Variants in GABBR2 observed in about 807,000 individuals in gnomAD.
The protein encoded by GABBR2 is G-protein coupled receptor 51.
Under a neutral mutation model 105.6 loss-of-function variants are expected in GABBR2, and 23 were observed. The observed-to-expected ratio is 0.22, with a 90% CI of 0.16 to 0.31. The LOEUF is 0.31. GABBR2 is among the 10% of genes least tolerant of loss of function. GABBR2 has a pLI of 1.00. For missense variants in GABBR2, 734 were observed against 1,245.5 expected, an observed-to-expected ratio of 0.59 and a Z score of 6.18; for synonymous variants, 478 against 499.7, an observed-to-expected ratio of 0.96 and a Z score of 0.58.
chr9:98,584,955 A>G (rs1588239398), intron 1 of GABBR2, among the ~76,000 whole-genome samples: 1 of 152,186 alleles, frequency 6.6e-6, no homozygotes, highest in East Asian at 1.9e-4. Flanking sequence ...TCTTCCTATC[A>G]TTGGCCTGGA....
At chr9:98,390,367 C>T (rs1832157065) in intron 9 of GABBR2, among the ~76,000 whole-genome samples, 1 of 101,684 alleles carries the variant, frequency 9.8e-6, no homozygotes. Flanking sequence ...GAGCAAGACT[C>T]CATCTCACAA....
At chr9:98,431,661 G>T (rs990325956) in intron 7 of GABBR2, among the ~76,000 whole-genome samples, 1 of 151,836 alleles carries the variant, frequency 6.6e-6, no homozygotes, top group Non-Finnish European at 1.5e-5. Flanking sequence ...CAGGCAGTGG[G>T]GAGCCATGGA....
intron 1 of GABBR2, among the ~76,000 whole-genome samples, chr9:98,656,949 G>A (rs1830192633): frequency 4.6e-5 from 7 of 152,350 alleles, no homozygotes; most frequent in Admixed American, 3.3e-4. Flanking sequence ...ATCAGAGGTT[G>A]CAAACGGGTG....
At chr9:98,363,299 C>A (rs1398838149) in intron 12 of GABBR2, among the ~76,000 whole-genome samples, 3 of 152,122 alleles carry the variant, frequency 2.0e-5, no homozygotes, top group Non-Finnish European at 4.4e-5. Flanking sequence ...CAGGAGGAAC[C>A]ACAGTAGTAA....
intron 1 of GABBR2, among the ~76,000 whole-genome samples, chr9:98,635,509 C>G (rs1213554796): frequency 1.3e-5 from 2 of 152,240 alleles, no homozygotes; most frequent in Non-Finnish European, 2.9e-5. Context: ...CTGCCTAGAA[C>G]TCTCAGCATG....
chr9:98,395,753 G>A (rs1200554157), intron 8 of GABBR2, among the ~76,000 whole-genome samples: 1 of 152,100 alleles, frequency 6.6e-6, no homozygotes, highest in Admixed American at 6.5e-5. Flanking sequence ...AGCGAACATG[G>A]ATGAAGCAGA....
chr9:98,666,478 C>T (rs1830336027), intron 1 of GABBR2, among the ~76,000 whole-genome samples: 1 of 152,202 alleles, frequency 6.6e-6, no homozygotes, highest in South Asian at 2.1e-4. Flanking sequence ...TATGCCTGCA[C>T]TGTCCAATGC....
At chr9:98,341,677 C>T (rs1389219706) in intron 13 of GABBR2, among the ~76,000 whole-genome samples, 2 of 152,102 alleles carry the variant, frequency 1.3e-5, no homozygotes, top group African/African-American at 2.4e-5. Flanking sequence ...GAGAGCACAG[C>T]CCATTTCCTG....
At chr9:98,551,861 C>T (rs1335307661) in intron 2 of GABBR2, among the ~76,000 whole-genome samples, 1 of 152,278 alleles carries the variant, frequency 6.6e-6, no homozygotes, top group East Asian at 1.9e-4. Flanking sequence ...GTCTGTTTTT[C>T]TCATCTCTGA....
At chr9:98,311,444 G>C (rs1445417431) in intron 13 of GABBR2, among the ~76,000 whole-genome samples, 1 of 152,158 alleles carries the variant, frequency 6.6e-6, no homozygotes, top group African/African-American at 2.4e-5. Context: ...CATAATTCAT[G>C]CCTCTCCAAT....
At chr9:98,491,058 C>G (rs950393132) in intron 4 of GABBR2, among the ~76,000 whole-genome samples, 2 of 151,932 alleles carry the variant, frequency 1.3e-5, no homozygotes, top group African/African-American at 4.8e-5. Context: ...CCTCCCAATG[C>G]TATTGTGTTT....
intron 7 of GABBR2, among the ~76,000 whole-genome samples, chr9:98,428,653 T>C (rs139250149): frequency 1.3e-4 from 20 of 152,348 alleles, no homozygotes; most frequent in Middle Eastern, 3.4e-3. Context: ...CAATACAGAC[T>C]ATTCTAGCTA....
chr9:98,291,885 G>T (rs1830308418), intron 18 of GABBR2, among the ~76,000 whole-genome samples: 1 of 152,184 alleles, frequency 6.6e-6, no homozygotes, highest in African/African-American at 2.4e-5. Context: ...CAGAACCCTA[G>T]GTAAATACTC....
At chr9:98,696,428 G>A (rs1449082172) in intron 1 of GABBR2, among the ~76,000 whole-genome samples, 2 of 152,218 alleles carry the variant, frequency 1.3e-5, no homozygotes, top group Non-Finnish European at 2.9e-5. Flanking sequence ...ACAATGGTGA[G>A]TCCCTGCAGG....
chr9:98,607,403 T>A (rs1442200926), intron 1 of GABBR2: 7 of 654,196 alleles, frequency 1.1e-5, no homozygotes, highest in Non-Finnish European at 2.0e-5. Context: ...TCTCACTTAT[T>A]GCCACAGAAG....
At chr9:98,476,046 AGAGT>A (rs1424086190) in intron 5 of GABBR2, among the ~76,000 whole-genome samples, 1 of 152,244 alleles carries the variant, frequency 6.6e-6, no homozygotes, top group Non-Finnish European at 1.5e-5. Context: ...CCTGAGTGAC[AGAGT>A]GAGACTCTGT....
intron 3 of GABBR2, among the ~76,000 whole-genome samples, chr9:98,519,390 C>A (rs1274729816): frequency 6.6e-6 from 1 of 152,214 alleles, no homozygotes; most frequent in Non-Finnish European, 1.5e-5. Flanking sequence ...GGCAGAACTG[C>A]CAGAATGCTC....
At chr9:98,546,701 G>A (rs1340243473) in intron 2 of GABBR2, among the ~76,000 whole-genome samples, 1 of 152,112 alleles carries the variant, frequency 6.6e-6, no homozygotes, top group East Asian at 1.9e-4. Context: ...AAGAGCATAT[G>A]GACAGATTTT....
chr9:98,310,309 C>T (rs139959649), intron 14 of GABBR2, among the ~76,000 whole-genome samples: 2,733 of 151,972 alleles, frequency 0.018, 83 homozygotes, highest in African/African-American at 0.061. Flanking sequence ...AGTGCAATGG[C>T]CTGATCTCGG....
Sources: allele counts gnomAD v4.1 joint callset (sites outside exome capture counted in the v4.1 genomes callset), GRCh38; gene constraint gnomAD v4.1.1; transcripts MANE v1.5; gene names NCBI Gene and HGNC (gene_info 2026-07-23, HGNC 2026-07-21).